The following MYT1L variants were observed in gnomAD, a reference collection of about 807,000 sequenced individuals.
MYT1L encodes myelin transcription factor 1 like.
MYT1L carries 12 observed loss-of-function variants against 126.7 expected under a neutral mutation model. The observed-to-expected ratio is 0.09, with a 90% CI of 0.06 to 0.15. The LOEUF (loss-of-function observed/expected upper bound fraction) is 0.15. Among genes scored for constraint, MYT1L ranks in the 10% least tolerant of loss-of-function variants. MYT1L has a pLI of 1.00. For synonymous variants in MYT1L, 541 were observed against 604.2 expected (o/e 0.90, Z 1.53); for missense variants, 979 against 1,585.2 (o/e 0.62, Z 6.49).
At chr2:2,110,610 C>G (rs2079311391) in intron 3 of MYT1L, among the ~76,000 whole-genome samples, 1 of 146,292 alleles carries the variant, frequency 6.8e-6, no homozygotes, top group African/African-American at 2.5e-5. Flanking sequence ...ATTTCCTCCT[C>G]CCCTCTCCCT....
intron 18 of MYT1L, among the ~76,000 whole-genome samples, chr2:1,871,023 C>T (rs2046215448): frequency 6.6e-6 from 1 of 152,096 alleles, no homozygotes. Context: ...TTAAATGGAT[C>T]ACAAATTCCC....
intron 4 of MYT1L, among the ~76,000 whole-genome samples, chr2:2,014,521 T>C (rs1574520565): frequency 6.6e-6 from 1 of 151,566 alleles, no homozygotes; most frequent in Admixed American, 6.6e-5. Flanking sequence ...GGTGAGGAGG[T>C]GTTTATCCTC....
chr2:2,037,810 A>T (rs2149986600), intron 4 of MYT1L, among the ~76,000 whole-genome samples: 1 of 147,758 alleles, frequency 6.8e-6, no homozygotes, highest in East Asian at 1.9e-4. Flanking sequence ...AAAACAAAAA[A>T]AAAACCCCCT....
intron 4 of MYT1L, 24 bp from the exon 5 acceptor site, chr2:1,997,371 A>T (rs1158744319): frequency 1.3e-5 from 2 of 152,496 alleles, no homozygotes; most frequent in African/African-American, 4.8e-5. Flanking sequence ...AAAGCAATAT[A>T]CAGCACCTCA....
chr2:1,815,093 C>T (rs1005203631), intron 21 of MYT1L, among the ~76,000 whole-genome samples: 5 of 152,202 alleles, frequency 3.3e-5, no homozygotes, highest in African/African-American at 1.2e-4. Flanking sequence ...GGATATTAAA[C>T]CAGAACCATG....
chr2:2,157,400 C>A (rs1461670847), intron 3 of MYT1L, among the ~76,000 whole-genome samples: 1 of 152,216 alleles, frequency 6.6e-6, no homozygotes. Flanking sequence ...GTAAAATAAC[C>A]ATTTAATAAT....
chr2:2,327,623 C>A (rs1221585082), intron 1 of MYT1L, among the ~76,000 whole-genome samples: 3 of 152,174 alleles, frequency 2.0e-5, no homozygotes, highest in African/African-American at 7.2e-5. Context: ...CATTTGCCTC[C>A]TGAACAGAGT....
intron 18 of MYT1L, among the ~76,000 whole-genome samples, chr2:1,861,073 C>T (rs898801632): frequency 6.6e-6 from 1 of 152,290 alleles, no homozygotes; most frequent in East Asian, 1.9e-4. Context: ...AAACTCAACA[C>T]AGCTCAGATA....
At chr2:1,864,105 T>C (rs1280757095) in intron 18 of MYT1L, among the ~76,000 whole-genome samples, 2 of 152,168 alleles carry the variant, frequency 1.3e-5, no homozygotes, top group African/African-American at 2.4e-5. Flanking sequence ...CCCAGGTGGA[T>C]GGTGACAGGC....
In MYT1L at chr2:2,168,111, T is replaced by C. The variant is rs369886336; in HGVS notation, c.-304+4761A>G. On this transcript the variant is annotated intron_variant, in intron 3 of 24. Transcript: ENST00000647738. ...ACTCAAAAAAACAGGTGACTTCACA[T>C]CGGTGGGATCAGTGTGTGTAGACCT... Among the ~76,000 whole-genome samples, 75 of 152,286 alleles carry C rather than the reference T, an allele frequency of 4.9e-4. 1 individual carries two copies. The highest frequency in any genetic ancestry group is 1.5e-3 in the African/African-American group (63 of 41,562).
intron 18 of MYT1L, chr2:1,885,505 T>C (rs999904927): frequency 6.6e-6 from 1 of 152,644 alleles, no homozygotes; most frequent in Admixed American, 6.5e-5. Flanking sequence ...CTGTAAAAGA[T>C]GACATGGGTG....
intron 3 of MYT1L, among the ~76,000 whole-genome samples, chr2:2,117,864 T>C (rs1406115687): frequency 2.6e-5 from 4 of 151,966 alleles, no homozygotes; most frequent in East Asian, 3.9e-4. Context: ...GAGTCGGTAA[T>C]AGGCGGAACA....
intron 9 of MYT1L, among the ~76,000 whole-genome samples, chr2:1,934,107 TG>T (rs2055424746): frequency 1.3e-5 from 2 of 150,850 alleles, no homozygotes; most frequent in Admixed American, 1.3e-4. Flanking sequence ...CTGGAGTAGC[TG>T]GGACTACAGG....
chr2:2,086,347 T>C (rs887703004), intron 3 of MYT1L, among the ~76,000 whole-genome samples: 1 of 152,236 alleles, frequency 6.6e-6, no homozygotes, highest in African/African-American at 2.4e-5. Flanking sequence ...ATTATTTGTA[T>C]AATTACATTA....
chr2:1,810,402 A>G (rs2036414086), intron 21 of MYT1L, among the ~76,000 whole-genome samples: 1 of 152,132 alleles, frequency 6.6e-6, no homozygotes, highest in African/African-American at 2.4e-5. Context: ...GGCCTCCCAA[A>G]GTGCTAGGAT....
chr2:2,215,294 C>G (rs541453969), intron 2 of MYT1L, among the ~76,000 whole-genome samples: 1 of 152,038 alleles, frequency 6.6e-6, no homozygotes, highest in African/African-American at 2.4e-5. Flanking sequence ...CTAACTCTAT[C>G]GCCTACAGAA....
chr2:2,078,867 G>A (rs761842194), intron 3 of MYT1L, among the ~76,000 whole-genome samples: 6 of 152,276 alleles, frequency 3.9e-5, no homozygotes, highest in East Asian at 1.9e-4. Context: ...TGATTTAAAC[G>A]TTTGTGTTTC....
At chr2:2,172,703 C>T (rs1173339171) in intron 3 of MYT1L, among the ~76,000 whole-genome samples, 169 bp downstream of exon 3, 1 of 150,582 alleles carries the variant, frequency 6.6e-6, no homozygotes, top group African/African-American at 2.5e-5. Context: ...CCGTGCTGGG[C>T]AGGGGTACCT....
chr2:2,055,190 CA>C (rs1289351569), intron 3 of MYT1L, among the ~76,000 whole-genome samples: 5 of 151,654 alleles, frequency 3.3e-5, no homozygotes, highest in Non-Finnish European at 7.4e-5. Context: ...ATTAAGACTA[CA>C]AAATGTGTAG....
Sources: allele counts gnomAD v4.1 joint callset (sites outside exome capture counted in the v4.1 genomes callset), GRCh38; gene constraint gnomAD v4.1.1; transcripts MANE v1.5; gene names NCBI Gene and HGNC (gene_info 2026-07-23, HGNC 2026-07-21).